Variants in PTPN3 observed in about 807,000 individuals in gnomAD.
PTPN3 encodes protein tyrosine phosphatase non-receptor type 3, also known as tyrosine-protein phosphatase non-receptor type 3.
A neutral mutation model predicts 132.7 loss-of-function variants in PTPN3; 96 were observed. The ratio of observed to expected loss-of-function variants is 0.72; its 90% CI spans 0.61 to 0.86. The LOEUF is 0.86. Ranked by LOEUF, PTPN3 falls within the 40% of genes least tolerant of loss-of-function variation. The probability of loss-of-function intolerance (pLI) is 0.00; values close to 1 mark genes in which losing one functional copy is unlikely to be tolerated. For missense variants in PTPN3, 1,125 were observed against 1,159.6 expected (o/e 0.97, Z 0.43); for synonymous variants, 398 against 429.0 (o/e 0.93, Z 0.89).
In PTPN3 at chr9:109,467,360, C is replaced by A. The variant is rs567018967; in HGVS notation, c.-17-3909G>T. ...TCACCTGAGGAGCTTTTAAAACCTG[C>A]CTGTCCCCGCACCCCCAGTGGTGAT... On this transcript the variant is annotated intron_variant, in intron 1 of 25. Coordinates refer to ENST00000374541, the MANE Select transcript of PTPN3 (RefSeq NM_002829.4). Among the ~76,000 whole-genome samples the A allele has an allele frequency of 7.9e-5, 12 of 152,088 alleles. 1 individual carries two copies. The South Asian group carries it at 2.3e-3, about 29-fold the overall frequency.
the PTPN3 span, chr9:109,533,818 G>A: frequency 1.5e-5 from 14 of 919,260 alleles, no homozygotes; most frequent in South Asian, 1.9e-4. Context: ...CCCATCCCTC[G>A]TTCTTTCCCC....
chr9:109,391,112 A>C, intron 21 of PTPN3, 26 bp downstream of exon 21: 1 of 1,599,222 alleles, frequency 6.3e-7, no homozygotes, highest in Non-Finnish European at 8.6e-7. Flanking sequence ...ATGTGCTCTT[A>C]AGCATCATCC....
chr9:109,506,607 CTT>C, the PTPN3 span, among the ~76,000 whole-genome samples: 1,934 of 131,708 alleles, frequency 0.015, 21 homozygotes, highest in Non-Finnish European at 0.02. Context: ...TTCTTTCTTT[CTT>C]TTTTTTTTTT....
At chr9:109,482,590 T>C (rs946755570) in intron 1 of PTPN3, among the ~76,000 whole-genome samples, 1 of 152,158 alleles carries the variant, frequency 6.6e-6, no homozygotes, top group Non-Finnish European at 1.5e-5. Context: ...GGTGCTAGGG[T>C]GTTAAACTGC....
At position 109,403,606 on chromosome 9, in the gene PTPN3, G is replaced by A. The variant is rs114745062; in HGVS notation, c.1953+842C>T. Reference sequence around the variant, plus strand: ...TGTAATTTCAGCGTTTTGGAAGACCGAGGCGGGAGGACGGCGTGGGACCAG... The same window carrying A: ...TGTAATTTCAGCGTTTTGGAAGACCAAGGCGGGAGGACGGCGTGGGACCAG... On this transcript the variant is annotated intron_variant, in intron 19 of 25. Coordinates refer to ENST00000374541, the MANE Select transcript of PTPN3 (RefSeq NM_002829.4). 8.6e-3 allele frequency among the ~76,000 whole-genome samples: 1,317 copies of A among 152,296 alleles called. 19 individuals are homozygous for A. Among genetic ancestry groups the A allele is most frequent in the African/African-American group, 0.03 (1,242 of 41,558 alleles).
chr9:109,431,097 T>C (rs1448650320), intron 10 of PTPN3, among the ~76,000 whole-genome samples: 1 of 152,222 alleles, frequency 6.6e-6, no homozygotes, highest in African/African-American at 2.4e-5. Context: ...AGGTTTACAC[T>C]GGAGGCAGGG....
Position 109,376,265 on chromosome 9 carries a change from G to A in PTPN3, c.*3291C>T, listed in dbSNP as rs754682173. The A allele has an allele frequency of 1.5e-4, 23 of 152,064 alleles. No homozygotes were observed. The highest frequency in any genetic ancestry group is 2.9e-4 in the Non-Finnish European group (20 of 68,038). 9.4% of individuals were successfully genotyped at this position (152,064 alleles called of 1,614,324 possible). A position where few individuals can be genotyped will look rare whatever the true frequency, so the allele number is the denominator to read the frequency against. On this transcript the variant is annotated 3_prime_UTR_variant, in exon 26 of 26. Coordinates refer to ENST00000374541, the MANE Select transcript of PTPN3 (RefSeq NM_002829.4). ...AAGTCCAGGTCTAGACCCAAGCCCTGCCTCTCACAATCTTTCCCCATTTCT... is the reference window on the plus strand; with the variant it reads ...AAGTCCAGGTCTAGACCCAAGCCCTACCTCTCACAATCTTTCCCCATTTCT...
At chr9:109,505,212 C>T in the PTPN3 span, among the ~76,000 whole-genome samples, 1 of 152,312 alleles carries the variant, frequency 6.6e-6, no homozygotes, top group Middle Eastern at 3.4e-3. Flanking sequence ...AGACTCCTGA[C>T]CTGAGCCATG....
At chr9:109,482,872 C>T (rs1194303718) in intron 1 of PTPN3, among the ~76,000 whole-genome samples, 1 of 152,242 alleles carries the variant, frequency 6.6e-6, no homozygotes, top group Non-Finnish European at 1.5e-5. Context: ...GAAAATGAAA[C>T]TGACATTAAC....
the PTPN3 span, among the ~76,000 whole-genome samples, chr9:109,510,764 A>G: frequency 6.6e-6 from 1 of 151,352 alleles, no homozygotes; most frequent in Non-Finnish European, 1.5e-5. Context: ...CATTATTTTA[A>G]GATAGTGGTT....
At chr9:109,452,043 G>T (rs1281552062) in intron 5 of PTPN3, among the ~76,000 whole-genome samples, 1 of 152,082 alleles carries the variant, frequency 6.6e-6, no homozygotes. Context: ...GCCGAGGCGG[G>T]CAGATCACAA....
the PTPN3 span, among the ~76,000 whole-genome samples, chr9:109,528,347 A>G: frequency 1.3e-5 from 2 of 152,256 alleles, no homozygotes; most frequent in Non-Finnish European, 2.9e-5. Context: ...CATTAACAGT[A>G]GAGAGAAAAT....
chr9:109,440,651 T>C (rs1844393677), intron 7 of PTPN3, among the ~76,000 whole-genome samples: 1 of 152,234 alleles, frequency 6.6e-6, no homozygotes, highest in Non-Finnish European at 1.5e-5. Context: ...GGTGGAGTCC[T>C]ATGAACCTTT....
intron 14 of PTPN3, among the ~76,000 whole-genome samples, chr9:109,411,476 C>T (rs982140274): frequency 3.9e-5 from 6 of 152,164 alleles, no homozygotes; most frequent in African/African-American, 1.2e-4. Flanking sequence ...TGAGTCTCTG[C>T]ATCACCCACA....
chr9:109,382,691 C>G (rs936397938), intron 23 of PTPN3, among the ~76,000 whole-genome samples: 1 of 151,906 alleles, frequency 6.6e-6, no homozygotes, highest in Non-Finnish European at 1.5e-5. Context: ...TCTCCTCTGC[C>G]CAGTGATCTC....
intron 18 of PTPN3, among the ~76,000 whole-genome samples, chr9:109,405,917 G>C (rs1841523288): frequency 6.6e-6 from 1 of 152,174 alleles, no homozygotes; most frequent in Non-Finnish European, 1.5e-5. Flanking sequence ...CAGCAACCCT[G>C]TGAAGTCGGG....
At chr9:109,521,979 C>CTGAGG in the PTPN3 span, among the ~76,000 whole-genome samples, 4 of 27,190 alleles carry the variant, frequency 1.5e-4, no homozygotes, top group Non-Finnish European at 3.0e-4. Flanking sequence ...AGAGAGGAAA[C>CTGAGG]CGAGGCTTAG....
intron 7 of PTPN3, among the ~76,000 whole-genome samples, chr9:109,442,620 G>T (rs901364959): frequency 6.6e-6 from 1 of 152,186 alleles, no homozygotes; most frequent in East Asian, 1.9e-4. Context: ...ACTCTAAATA[G>T]AATTTACTGT....
intron 19 of PTPN3, 92 bp downstream of exon 19, chr9:109,404,356 T>C: frequency 1.0e-6 from 1 of 963,532 alleles, no homozygotes; most frequent in Non-Finnish European, 1.4e-6. Flanking sequence ...AAACAAGGGC[T>C]TGTGTCTCTG....
Sources: gnomAD v4.1 joint callset for allele counts (sites outside exome capture counted in the v4.1 genomes callset) on GRCh38, gnomAD v4.1.1 for gene constraint, MANE v1.5 for transcripts, NCBI Gene and HGNC (gene_info 2026-07-23, HGNC 2026-07-21) for gene names.